The following NUP37 variants were observed in gnomAD, a reference collection of about 807,000 sequenced individuals.
The protein encoded by NUP37 is nucleoporin Nup37.
A neutral mutation model predicts 45.4 loss-of-function variants in NUP37; 33 were observed. The ratio of observed to expected loss-of-function variants is 0.73; its 90% confidence interval spans 0.55 to 0.97. The LOEUF (loss-of-function observed/expected upper bound fraction) is 0.97. Among genes scored for constraint, NUP37 ranks in the 50% least tolerant of loss-of-function variants. The pLI, the probability that NUP37 is intolerant of heterozygous loss-of-function variation, is 0.00. For missense variants in NUP37, 365 were observed against 389.7 expected, an observed-to-expected ratio of 0.94 and a Z score of 0.53; for synonymous variants, 127 against 130.7, an observed-to-expected ratio of 0.97 and a Z score of 0.19.
chr12:102,075,003 G>T lies in NUP37; in HGVS notation c.865C>A (p.Gln289Lys). ...GTTACAAAACATTTCCACATTACCT[G>T]AGGGTGTCCTAAATGATGAATTTGA... ...QFQIHHLGHP[Q>K]PILMGSVAVG... The change falls in exon 9 of 10, where the codon CAG becomes AAG. Residue 289 changes from glutamine to lysine, a missense_variant and splice_region_variant. Physicochemically the swap from Gln to Lys is moderately conservative, Grantham distance 53 (BLOSUM62 1). Coordinates refer to ENST00000552283, the MANE Select transcript of NUP37 (RefSeq NM_024057.4). 1 of 1,594,234 alleles carries T rather than the reference G, an allele frequency of 6.3e-7. No individual in the cohort carries two copies. Among genetic ancestry groups the T allele is most frequent in the Non-Finnish European group, 8.6e-7 (1 of 1,166,896 alleles).
At chr12:102,116,153 C>A (rs11111168) in intron 2 of NUP37, among the ~76,000 whole-genome samples, 28,632 of 151,962 alleles carry the variant, frequency 0.19, 2,734 homozygotes, top group Non-Finnish European at 0.21. Flanking sequence ...GTTCTTTTTT[C>A]TCATGTTAGT....
At chr12:102,111,357 G>C (rs1308399843) in intron 3 of NUP37, among the ~76,000 whole-genome samples, 1 of 152,182 alleles carries the variant, frequency 6.6e-6, no homozygotes, top group Non-Finnish European at 1.5e-5. Flanking sequence ...TGAATAGGGT[G>C]TGGGTTGTAC....
intron 6 of NUP37, among the ~76,000 whole-genome samples, chr12:102,083,191 C>T (rs987962672): frequency 6.6e-6 from 1 of 152,116 alleles, no homozygotes; most frequent in African/African-American, 2.4e-5. Flanking sequence ...TCATGCAGGT[C>T]ATAGTTTTTA....
At chr12:102,096,805 A>G (rs1375915534) in intron 5 of NUP37, among the ~76,000 whole-genome samples, 1 of 152,094 alleles carries the variant, frequency 6.6e-6, no homozygotes, top group Non-Finnish European at 1.5e-5. Context: ...ACTTGTTTTT[A>G]TATACGTTCT....
chr12:102,084,536 C>T (rs890288376), intron 6 of NUP37, among the ~76,000 whole-genome samples: 8 of 151,856 alleles, frequency 5.3e-5, no homozygotes, highest in African/African-American at 1.7e-4. Flanking sequence ...CCCAGCTACT[C>T]GGGAGGCTGA....
intron 3 of NUP37, among the ~76,000 whole-genome samples, chr12:102,108,654 A>C (rs1291567118): frequency 6.6e-6 from 1 of 152,204 alleles, no homozygotes; most frequent in Non-Finnish European, 1.5e-5. Context: ...CATGCAAATA[A>C]AGGGTAAGAA....
At chr12:102,118,619 AAT>A (rs1880564411) in intron 1 of NUP37, 36 bp from the exon 2 acceptor site, 1 of 1,016,492 alleles carries the variant, frequency 9.8e-7, no homozygotes, top group Admixed American at 2.6e-5. Context: ...TACAATGGTC[AAT>A]ATGTTAGTCA....
intron 5 of NUP37, among the ~76,000 whole-genome samples, chr12:102,088,407 G>T (rs775884290): frequency 2.0e-5 from 3 of 152,020 alleles, no homozygotes; most frequent in Non-Finnish European, 4.4e-5. Flanking sequence ...AATTCAAAGA[G>T]AATACACTCA....
chr12:102,119,363 C>T (rs1880649539), intron 1 of NUP37: 2 of 152,104 alleles, frequency 1.3e-5, no homozygotes, highest in Non-Finnish European at 2.9e-5. Context: ...ACACGTTTTA[C>T]CTTTGTAATA....
Position 102,075,045 on chromosome 12 carries a change from T to G in NUP37, c.823A>C (p.Lys275Gln). Residue 275 changes from lysine to glutamine, a missense_variant, in exon 9 of 10, where the codon AAA becomes CAA. Coordinates refer to ENST00000552283, the MANE Select transcript of NUP37 (RefSeq NM_024057.4). ...NLFATTGYPG[K>Q]MASQFQIHHL... is the part of the protein sequence containing the mutation. Reference sequence around the variant, plus strand: ...TGAATTTGAAACTGGCTTGCCATTTTGCCAGGATAACCAGTGGTTGCAAAC... The same window carrying G: ...TGAATTTGAAACTGGCTTGCCATTTGGCCAGGATAACCAGTGGTTGCAAAC... 6.2e-7 allele frequency: 1 copy of G among 1,611,336 alleles called. No individual in the cohort carries two copies. The highest frequency in any genetic ancestry group is 1.3e-5 in the African/African-American group (1 of 74,958).
At chr12:102,115,770 T>C in intron 2 of NUP37, 1 of 926,462 alleles carries the variant, frequency 1.1e-6, no homozygotes, top group Non-Finnish European at 1.3e-6. Flanking sequence ...TATCTTTCTG[T>C]CAGGAATGTG....
intron 3 of NUP37, among the ~76,000 whole-genome samples, chr12:102,106,191 T>A (rs1199264511): frequency 6.6e-6 from 1 of 152,184 alleles, no homozygotes; most frequent in African/African-American, 2.4e-5. Flanking sequence ...CCAACCCCAC[T>A]GATAACTTGA....
rs952609718 is a variant in NUP37, at chr12:102,074,451, G to A, written c.884C>T (p.Ser295Phe). Residue 295 changes from serine (S) to phenylalanine (F), a missense_variant, in exon 10 of 10, where the codon TCT becomes TTT. Transcript: ENST00000552283. The stretch of plus-strand genomic sequence containing the variant: ...GGACAGTCCAGATCCAACGGCTACA[G>A]AACCCATGAGGATGGGCTATAAAAT... ...LGHPQPILMG[S>F]VAVGSGLSWH... 4.4e-6 allele frequency: 7 copies of A among 1,605,700 alleles called. No homozygotes were observed. Among genetic ancestry groups the A allele is most frequent in the Non-Finnish European group, 5.1e-6 (6 of 1,174,972 alleles).
chr12:102,097,853 T>C (rs887712665), intron 5 of NUP37, among the ~76,000 whole-genome samples: 7 of 152,204 alleles, frequency 4.6e-5, no homozygotes, highest in Non-Finnish European at 2.9e-5. Flanking sequence ...TAATGTCATG[T>C]AAATCTTTCA....
At chr12:102,115,326 G>C (rs1480265523) in intron 2 of NUP37, among the ~76,000 whole-genome samples, 1 of 152,138 alleles carries the variant, frequency 6.6e-6, no homozygotes, top group Non-Finnish European at 1.5e-5. Flanking sequence ...CGTGAAATGT[G>C]GCTAGTTCTA....
At chr12:102,083,981 A>G (rs1281787603) in intron 6 of NUP37, among the ~76,000 whole-genome samples, 3 of 152,222 alleles carry the variant, frequency 2.0e-5, no homozygotes, top group African/African-American at 7.2e-5. Context: ...AAAAGGTACA[A>G]GTGATGGATT....
chr12:102,092,389 A>T (rs1466353864), intron 5 of NUP37, among the ~76,000 whole-genome samples: 1 of 152,216 alleles, frequency 6.6e-6, no homozygotes, highest in Non-Finnish European at 1.5e-5. Context: ...TAATACAGAG[A>T]TGTAGTTATA....
chr12:102,109,177 G>T (rs1880240777), intron 3 of NUP37, among the ~76,000 whole-genome samples: 1 of 152,080 alleles, frequency 6.6e-6, no homozygotes, highest in Non-Finnish European at 1.5e-5. Context: ...TCAGAGAACT[G>T]AAATAACATG....
chr12:102,111,922 G>A (rs1422872616), intron 3 of NUP37, among the ~76,000 whole-genome samples, 186 bp downstream of exon 3: 2 of 152,206 alleles, frequency 1.3e-5, no homozygotes, highest in East Asian at 3.8e-4. Context: ...AGTCATGGCT[G>A]TATATTTAAA....
Sources: allele counts gnomAD v4.1 joint callset (sites outside exome capture counted in the v4.1 genomes callset), GRCh38; gene constraint gnomAD v4.1.1; transcripts MANE v1.5; gene names NCBI Gene and HGNC (gene_info 2026-07-23, HGNC 2026-07-21).